The following PPP1R9A variants were observed in gnomAD, a reference collection of about 807,000 sequenced individuals.
The protein encoded by PPP1R9A is protein phosphatase 1 regulatory subunit 9A, also known as neurabin-1.
Under a neutral mutation model 141.9 loss-of-function variants are expected in PPP1R9A, and 59 were observed. The observed-to-expected ratio is 0.42, with a 90% CI of 0.34 to 0.52. The LOEUF (loss-of-function observed/expected upper bound fraction) is 0.52, where lower values mean the gene tolerates loss of function less well. Among genes scored for constraint, PPP1R9A ranks in the 20% least tolerant of loss-of-function variants. The pLI, the probability that PPP1R9A is intolerant of heterozygous loss-of-function variation, is 0.10. For missense variants in PPP1R9A, 1,444 were observed against 1,611.9 expected (o/e 0.90, Z 1.78); for synonymous variants, 500 against 569.7 (o/e 0.88, Z 1.74).
chr7:95,058,489 C>T (rs1811788425), intron 2 of PPP1R9A, among the ~76,000 whole-genome samples: 1 of 152,054 alleles, frequency 6.6e-6, no homozygotes. Flanking sequence ...CTGTGGAATC[C>T]TCAGGAAGTA....
At chr7:95,130,445 G>T (rs185706375) in intron 4 of PPP1R9A, among the ~76,000 whole-genome samples, 3 of 152,220 alleles carry the variant, frequency 2.0e-5, no homozygotes, top group African/African-American at 7.2e-5. Flanking sequence ...TGCTGCAGGG[G>T]TGGGGCTCTC....
chr7:94,969,438 A>AC (rs990851025), intron 2 of PPP1R9A, among the ~76,000 whole-genome samples: 1 of 151,852 alleles, frequency 6.6e-6, no homozygotes, highest in Non-Finnish European at 1.5e-5. Context: ...CTGCAGGTCT[A>AC]CCCCAGAGCC....
intron 4 of PPP1R9A, among the ~76,000 whole-genome samples, chr7:95,143,676 A>G (rs1827095359): frequency 6.6e-6 from 1 of 152,138 alleles, no homozygotes; most frequent in African/African-American, 2.4e-5. Flanking sequence ...TGAGAAAGGA[A>G]TCTTGGCTTA....
At chr7:94,915,035 A>C (rs567606986) in intron 2 of PPP1R9A, among the ~76,000 whole-genome samples, 1 of 152,088 alleles carries the variant, frequency 6.6e-6, no homozygotes, top group South Asian at 2.1e-4. Flanking sequence ...GTTACAATGG[A>C]TTGTTATTCT....
chr7:95,175,935 G>A (rs1585085520), intron 5 of PPP1R9A, among the ~76,000 whole-genome samples: 1 of 151,948 alleles, frequency 6.6e-6, no homozygotes, highest in Admixed American at 6.6e-5. Context: ...GAAAATATAG[G>A]CTGGGATCAT....
At chr7:94,951,744 T>C (rs1796499248) in intron 2 of PPP1R9A, among the ~76,000 whole-genome samples, 1 of 152,090 alleles carries the variant, frequency 6.6e-6, no homozygotes, top group African/African-American at 2.4e-5. Flanking sequence ...ACCTGAGGAA[T>C]GTTTTCACCT....
chr7:95,146,415 G>C (rs1827622663), intron 4 of PPP1R9A, among the ~76,000 whole-genome samples: 1 of 152,124 alleles, frequency 6.6e-6, no homozygotes, highest in Admixed American at 6.5e-5. Flanking sequence ...CAGATGGATA[G>C]ATTGCAAAAA....
intron 2 of PPP1R9A, among the ~76,000 whole-genome samples, chr7:94,974,841 G>C (rs1799254342): frequency 6.6e-6 from 1 of 151,834 alleles, no homozygotes; most frequent in Non-Finnish European, 1.5e-5. Flanking sequence ...AGAAGAGAAA[G>C]TTATAGAGAA....
intron 7 of PPP1R9A, among the ~76,000 whole-genome samples, chr7:95,205,822 C>A (rs1297505264): frequency 6.6e-6 from 1 of 152,146 alleles, no homozygotes; most frequent in Non-Finnish European, 1.5e-5. Flanking sequence ...ATAAATTCCC[C>A]CCATTAGCCT....
chr7:95,080,912 C>T (rs1815716351), intron 2 of PPP1R9A, among the ~76,000 whole-genome samples: 2 of 152,118 alleles, frequency 1.3e-5, no homozygotes, highest in Admixed American at 6.6e-5. Context: ...AGATGACTTG[C>T]ACATGGAACA....
At chr7:95,257,818 C>T (rs914056496) in intron 12 of PPP1R9A, among the ~76,000 whole-genome samples, 1 of 152,102 alleles carries the variant, frequency 6.6e-6, no homozygotes, top group African/African-American at 2.4e-5. Context: ...TTTCCAGCTT[C>T]ATCCATGTCC....
chr7:95,073,626 T>TG (rs1168642474), intron 2 of PPP1R9A, among the ~76,000 whole-genome samples: 35 of 38,928 alleles, frequency 9.0e-4, no homozygotes, highest in Admixed American at 6.4e-3. Flanking sequence ...AGAAATAAGT[T>TG]TTTTTTTTTT....
At chr7:95,110,681 G>A (rs954727623) in intron 2 of PPP1R9A, among the ~76,000 whole-genome samples, 8 of 152,084 alleles carry the variant, frequency 5.3e-5, no homozygotes, top group African/African-American at 1.9e-4. Flanking sequence ...GCCCTTTAGC[G>A]ATATTTTCAT....
Position 95,269,128 on chromosome 7 carries a change from TG to T in PPP1R9A, c.2824-77del. 3 of 1,331,812 alleles carry T rather than the reference TG, an allele frequency of 2.3e-6. No homozygotes were observed. The South Asian group carries it at 4.2e-5, about 19-fold the overall frequency. 82.5% of individuals were successfully genotyped at this position (1,331,812 alleles called of 1,614,324 possible). A position where few individuals can be genotyped will look rare whatever the true frequency, so the allele number is the denominator to read the frequency against. ...TCATGGGGATTCACTAATAAAAGGTTGGTCTTATTTCAAAGTAAGTATTGCA... is the reference window on the plus strand; with the variant it reads ...TCATGGGGATTCACTAATAAAAGGTTGTCTTATTTCAAAGTAAGTATTGCA... On this transcript the variant is annotated intron_variant, in intron 13 of 19. Coordinates refer to ENST00000433360, the MANE Select transcript of PPP1R9A (RefSeq NM_001166160.2).
At chr7:95,285,416 T>C (rs1805102567) in intron 17 of PPP1R9A, among the ~76,000 whole-genome samples, 1 of 152,240 alleles carries the variant, frequency 6.6e-6, no homozygotes, top group South Asian at 2.1e-4. Context: ...AATTCTGCCA[T>C]TATCTTGCAC....
intron 4 of PPP1R9A, among the ~76,000 whole-genome samples, chr7:95,149,732 A>AAACGC (rs1828299537): frequency 6.6e-6 from 1 of 151,702 alleles, no homozygotes; most frequent in Non-Finnish European, 1.5e-5. Flanking sequence ...ATAATTAATA[A>AAACGC]ATGGTAAGAT....
chr7:94,946,414 G>T (rs551444105), intron 2 of PPP1R9A, among the ~76,000 whole-genome samples: 17 of 152,094 alleles, frequency 1.1e-4, no homozygotes, highest in Admixed American at 9.8e-4. Flanking sequence ...TGTAGAGTGA[G>T]TTGCATCTAG....
intron 5 of PPP1R9A, among the ~76,000 whole-genome samples, chr7:95,168,144 A>G (rs1382440274): frequency 6.6e-6 from 1 of 152,212 alleles, no homozygotes; most frequent in African/African-American, 2.4e-5. Context: ...TTCAAAATGT[A>G]TCACAAGGCT....
At chr7:94,938,737 T>A (rs1795027295) in intron 2 of PPP1R9A, among the ~76,000 whole-genome samples, 1 of 152,166 alleles carries the variant, frequency 6.6e-6, no homozygotes, top group African/African-American at 2.4e-5. Context: ...TTAAACCATG[T>A]GAACAAACAG....
Sources: gnomAD v4.1 joint callset for allele counts (sites outside exome capture counted in the v4.1 genomes callset) on GRCh38, gnomAD v4.1.1 for gene constraint, MANE v1.5 for transcripts, NCBI Gene and HGNC (gene_info 2026-07-23, HGNC 2026-07-21) for gene names.